Variants in RAD51B observed in about 807,000 individuals in gnomAD.
RAD51B encodes the protein DNA repair protein RAD51 homolog 2.
A neutral mutation model predicts 42.2 loss-of-function variants in RAD51B; 38 were observed. That is an observed-to-expected ratio of 0.90 (90% CI 0.70 to 1.18). The LOEUF is 1.18. RAD51B is among the 50% of genes most tolerant of loss of function. RAD51B has a pLI of 0.00. For synonymous variants in RAD51B, 154 were observed against 145.2 expected, an observed-to-expected ratio of 1.06 and a Z score of -0.43; for missense variants, 373 against 400.7, an observed-to-expected ratio of 0.93 and a Z score of 0.59.
chr14:68,424,813 C>T (rs896166444), intron 9 of RAD51B, among the ~76,000 whole-genome samples: 9 of 152,134 alleles, frequency 5.9e-5, no homozygotes, highest in Admixed American at 1.3e-4. Flanking sequence ...CTTGCTGTGT[C>T]GCCCAGGCTG....
Position 68,648,042 on chromosome 14 carries a change from C to A in RAD51B, c.1037-2739C>A, listed in dbSNP as rs910160884. Among the ~76,000 whole-genome samples, 24 of 71,488 alleles carry A rather than the reference C, an allele frequency of 3.4e-4. 3 individuals are homozygous for A. The highest frequency in any genetic ancestry group is 3.7e-4 in the Non-Finnish European group (13 of 34,898). 46.9% of individuals were successfully genotyped at this position (71,488 alleles called of 152,430 possible). ...ATATACGTATATATATATATACACA[C>A]GTATATAGATGTGTGTGTGTATATA... On this transcript the variant is annotated intron_variant, in intron 10 of 11. Transcript: ENST00000488612.
chr14:67,946,707 C>G (rs747269132), intron 7 of RAD51B, among the ~76,000 whole-genome samples: 1 of 152,094 alleles, frequency 6.6e-6, no homozygotes, highest in Non-Finnish European at 1.5e-5. Flanking sequence ...TTGATATAAG[C>G]AATATGATCA....
Position 68,009,207 on chromosome 14 carries a change from C to G in RAD51B, c.756+122003C>G, listed in dbSNP as rs996964648. ...GCTATCATACTGATTAGGGGTGTAACAAAGAATGGACTGTGATTTTTGCCA... is the reference window on the plus strand; with the variant it reads ...GCTATCATACTGATTAGGGGTGTAAGAAAGAATGGACTGTGATTTTTGCCA... On this transcript the variant is annotated intron_variant, in intron 7 of 10. Transcript: ENST00000471583. 3.3e-5 allele frequency among the ~76,000 whole-genome samples: 5 copies of G among 151,894 alleles called. No individual in the cohort carries two copies. In the South Asian group the frequency reaches 8.3e-4, roughly 25 times the overall value.
intron 10 of RAD51B, among the ~76,000 whole-genome samples, chr14:68,500,076 A>G (rs1225962511): frequency 1.3e-5 from 2 of 152,116 alleles, no homozygotes; most frequent in Non-Finnish European, 2.9e-5. Context: ...TGTGCTGTGG[A>G]GTCTCTTCCC....
At chr14:68,457,055 G>A (rs1354868032) in intron 9 of RAD51B, among the ~76,000 whole-genome samples, 1 of 151,612 alleles carries the variant, frequency 6.6e-6, no homozygotes, top group East Asian at 1.9e-4. Flanking sequence ...TGGGATTACA[G>A]GCATGCACCA....
At chr14:68,212,932 C>T (rs2079740060) in intron 7 of RAD51B, among the ~76,000 whole-genome samples, 1 of 152,076 alleles carries the variant, frequency 6.6e-6, no homozygotes, top group Non-Finnish European at 1.5e-5. Flanking sequence ...TTATGATACT[C>T]TTGTTGTCTT....
At chr14:68,025,970 T>C (rs1175238421) in intron 7 of RAD51B, among the ~76,000 whole-genome samples, 1 of 152,162 alleles carries the variant, frequency 6.6e-6, no homozygotes, top group African/African-American at 2.4e-5. Context: ...ATTTCTAACT[T>C]CTTGATGAGG....
At chr14:67,934,011 A>G (rs1329962060) in intron 7 of RAD51B, among the ~76,000 whole-genome samples, 2 of 152,218 alleles carry the variant, frequency 1.3e-5, no homozygotes, top group African/African-American at 4.8e-5. Flanking sequence ...TATCAACATC[A>G]GTTACTTCTG....
intron 7 of RAD51B, among the ~76,000 whole-genome samples, chr14:68,203,579 CGA>C (rs2079532066): frequency 6.6e-6 from 1 of 152,118 alleles, no homozygotes; most frequent in African/African-American, 2.4e-5. Flanking sequence ...TAGCCCCTAC[CGA>C]GAGAGTCAGC....
At chr14:68,416,372 T>TC (rs1201168469) in intron 9 of RAD51B, among the ~76,000 whole-genome samples, 3 of 152,196 alleles carry the variant, frequency 2.0e-5, no homozygotes, top group African/African-American at 7.2e-5. Flanking sequence ...TTCTTAGACT[T>TC]CTGAGCCCTG....
At chr14:68,626,960 A>T (rs1431666620) in intron 10 of RAD51B, among the ~76,000 whole-genome samples, 1 of 152,154 alleles carries the variant, frequency 6.6e-6, no homozygotes, top group African/African-American at 2.4e-5. Flanking sequence ...TGGGAAAGGA[A>T]AAAGAATCTG....
At chr14:68,051,164 A>G (rs1473354210) in intron 7 of RAD51B, among the ~76,000 whole-genome samples, 1 of 151,978 alleles carries the variant, frequency 6.6e-6, no homozygotes, top group Non-Finnish European at 1.5e-5. Context: ...TTTCTTAAAA[A>G]CTGGATAAAA....
intron 7 of RAD51B, among the ~76,000 whole-genome samples, chr14:68,101,326 C>G (rs1276244287): frequency 6.6e-6 from 1 of 152,188 alleles, no homozygotes; most frequent in African/African-American, 2.4e-5. Flanking sequence ...CTGGCAAAGT[C>G]TTAACTCATT....
intron 7 of RAD51B, among the ~76,000 whole-genome samples, chr14:68,067,348 C>T (rs565014695): frequency 4.0e-5 from 6 of 151,020 alleles, no homozygotes; most frequent in African/African-American, 9.7e-5. Context: ...CCTGTAATCC[C>T]AGCTACTTAG....
At chr14:68,541,550 T>A in intron 10 of RAD51B, 2 of 985,446 alleles carry the variant, frequency 2.0e-6, no homozygotes, top group Non-Finnish European at 2.4e-6. Context: ...AGGGGAAAGT[T>A]GAGTCTAGAT....
intron 4 of RAD51B, among the ~76,000 whole-genome samples, chr14:67,838,598 A>G (rs2140304443): frequency 6.6e-6 from 1 of 152,122 alleles, no homozygotes; most frequent in Admixed American, 6.5e-5. Flanking sequence ...GTGCACCACC[A>G]TGCCTGGCTA....
intron 7 of RAD51B, among the ~76,000 whole-genome samples, chr14:67,954,727 C>T (rs940246714): frequency 6.6e-6 from 1 of 152,132 alleles, no homozygotes; most frequent in African/African-American, 2.4e-5. Context: ...GCTATAGGAT[C>T]ACTAGGGTCA....
Position 68,361,106 on chromosome 14 carries a change from T to C in RAD51B, c.854-50318T>C, listed in dbSNP as rs10148690. On this transcript the variant is annotated intron_variant, in intron 8 of 10. Coordinates refer to ENST00000471583, the MANE Select transcript of RAD51B (RefSeq NM_133510.4). ...GGAAGAGGAATTCTGGTTTCTGTGA[T>C]TCCCTTTAGGGGAGATGGGAGACAA... 6.4e-3 allele frequency among the ~76,000 whole-genome samples: 968 copies of C among 152,304 alleles called. 6 individuals carry two copies. Among genetic ancestry groups the C allele is most frequent in the African/African-American group, 0.02 (843 of 41,566 alleles).
intron 7 of RAD51B, among the ~76,000 whole-genome samples, chr14:68,052,437 C>T (rs998454047): frequency 2.2e-4 from 34 of 151,748 alleles, no homozygotes; most frequent in African/African-American, 8.2e-4. Context: ...ACTAATTTGC[C>T]AAGCCAGCAA....
Sources: gnomAD v4.1 joint callset for allele counts (sites outside exome capture counted in the v4.1 genomes callset) on GRCh38, gnomAD v4.1.1 for gene constraint, MANE v1.5 for transcripts, NCBI Gene and HGNC (gene_info 2026-07-23, HGNC 2026-07-21) for gene names.